The following GRID2 variants were observed in gnomAD, a reference collection of about 807,000 sequenced individuals.
GRID2 encodes the protein glutamate receptor ionotropic, delta-2.
GRID2 carries 33 observed loss-of-function variants against 114.8 expected under a neutral mutation model. That is an observed-to-expected ratio of 0.29 (90% CI 0.22 to 0.38). GRID2 has a LOEUF of 0.38. GRID2 is among the 10% of genes least tolerant of loss of function. The pLI, the probability that GRID2 is intolerant of heterozygous loss-of-function variation, is 1.00. For synonymous variants in GRID2, 505 were observed against 449.9 expected (o/e 1.12, Z -1.55); for missense variants, 1,184 against 1,257.7 (o/e 0.94, Z 0.89).
At chr4:92,947,932 A>G (rs1437640705) in intron 2 of GRID2, among the ~76,000 whole-genome samples, 1 of 151,876 alleles carries the variant, frequency 6.6e-6, no homozygotes, top group Non-Finnish European at 1.5e-5. Flanking sequence ...ACATTATACT[A>G]TCAGCATTTT....
intron 2 of GRID2, among the ~76,000 whole-genome samples, chr4:92,633,690 A>C (rs1395907455): frequency 1.3e-5 from 2 of 152,124 alleles, no homozygotes; most frequent in African/African-American, 4.8e-5. Context: ...CTTGTGTCTA[A>C]ATGTATTTAC....
chr4:92,781,618 G>T (rs570838355), intron 2 of GRID2, among the ~76,000 whole-genome samples: 5 of 152,058 alleles, frequency 3.3e-5, no homozygotes, highest in Admixed American at 3.3e-4. Flanking sequence ...ATTTTTTGCA[G>T]TATATAAGCT....
chr4:92,949,875 T>C (rs1751903164), intron 2 of GRID2, among the ~76,000 whole-genome samples: 1 of 152,038 alleles, frequency 6.6e-6, no homozygotes, highest in African/African-American at 2.4e-5. Context: ...CTTCAGGATC[T>C]AATGAGATCA....
chr4:92,527,417 G>C (rs1725097660), intron 1 of GRID2, among the ~76,000 whole-genome samples: 1 of 152,006 alleles, frequency 6.6e-6, no homozygotes, highest in South Asian at 2.1e-4. Context: ...TTTAATCTGT[G>C]TTATATATAT....
At chr4:93,222,864 A>AC (rs569362881) in intron 6 of GRID2, among the ~76,000 whole-genome samples, 244 of 152,204 alleles carry the variant, frequency 1.6e-3, no homozygotes, top group African/African-American at 5.2e-3. Context: ...ACACATGCAC[A>AC]CGTATGTTTA....
intron 13 of GRID2, among the ~76,000 whole-genome samples, chr4:93,573,461 G>A (rs1366742415): frequency 2.6e-5 from 4 of 152,038 alleles, no homozygotes; most frequent in Admixed American, 6.6e-5. Flanking sequence ...TCTTCATCAG[G>A]GTGCTTTCAA....
intron 2 of GRID2, among the ~76,000 whole-genome samples, chr4:93,081,117 C>G (rs148806079): frequency 1.3e-3 from 168 of 127,994 alleles, no homozygotes; most frequent in African/African-American, 4.5e-3. Context: ...CACATTCCAA[C>G]CACAGCAGTG....
intron 2 of GRID2, among the ~76,000 whole-genome samples, chr4:92,865,599 G>A (rs570983668): frequency 2.6e-5 from 4 of 152,122 alleles, no homozygotes; most frequent in Non-Finnish European, 4.4e-5. Context: ...GGCTAAAGTG[G>A]TGTGTAAAAT....
intron 2 of GRID2, among the ~76,000 whole-genome samples, chr4:92,950,560 A>T (rs1751954280): frequency 6.6e-6 from 1 of 152,100 alleles, no homozygotes; most frequent in Non-Finnish European, 1.5e-5. Context: ...GTACTTGGGG[A>T]ATCTCCTACT....
At chr4:93,371,911 C>T (rs1323873167) in intron 8 of GRID2, among the ~76,000 whole-genome samples, 1 of 151,750 alleles carries the variant, frequency 6.6e-6, no homozygotes, top group African/African-American at 2.4e-5. Context: ...CCACACCCGG[C>T]TAATTTTTGT....
intron 14 of GRID2, among the ~76,000 whole-genome samples, chr4:93,726,029 T>G (rs1729849717): frequency 1.3e-5 from 2 of 152,250 alleles, no homozygotes; most frequent in Admixed American, 1.3e-4. Flanking sequence ...TTGCCATTGC[T>G]TTTGGTGTTT....
chr4:93,031,714 C>A (rs1724456535), intron 2 of GRID2, among the ~76,000 whole-genome samples: 2 of 151,890 alleles, frequency 1.3e-5, no homozygotes, highest in Non-Finnish European at 2.9e-5. Flanking sequence ...GAGGCCTCCC[C>A]AGTCATGTGG....
At chr4:92,524,584 T>A (rs2149143168) in intron 1 of GRID2, among the ~76,000 whole-genome samples, 1 of 151,886 alleles carries the variant, frequency 6.6e-6, no homozygotes, top group South Asian at 2.1e-4. Flanking sequence ...GGTAATTACA[T>A]TGGACCTCCC....
chr4:93,322,760 T>C (rs1465456422), intron 8 of GRID2, among the ~76,000 whole-genome samples: 3 of 152,214 alleles, frequency 2.0e-5, no homozygotes, highest in Non-Finnish European at 4.4e-5. Context: ...AGATGGTATC[T>C]CATTGTGGTT....
intron 2 of GRID2, among the ~76,000 whole-genome samples, chr4:92,927,293 G>A (rs1749883813): frequency 6.6e-6 from 1 of 151,796 alleles, no homozygotes; most frequent in African/African-American, 2.4e-5. Flanking sequence ...CTGTGAATCT[G>A]ATGTTTTATC....
intron 7 of GRID2, among the ~76,000 whole-genome samples, chr4:93,231,225 C>A (rs536189204): frequency 5.3e-5 from 8 of 151,916 alleles, no homozygotes; most frequent in African/African-American, 1.4e-4. Context: ...AAATAGAAAT[C>A]ATTTTTCATT....
intron 8 of GRID2, among the ~76,000 whole-genome samples, chr4:93,248,521 C>T (rs185534922): frequency 6.6e-6 from 1 of 152,034 alleles, no homozygotes; most frequent in African/African-American, 2.4e-5. Context: ...TTCATTACAC[C>T]TCAAATTTTC....
In GRID2 at chr4:93,031,580, C is replaced by A. The variant is rs906943568; in HGVS notation, c.245-53415C>A. The stretch of plus-strand genomic sequence containing the variant: ...TGGGGTGGGTCTTTCTCTTCCTGTT[C>A]TTGTGGTAGTGAATAAATCTCATGA... On this transcript the variant is annotated intron_variant, in intron 2 of 15. Coordinates refer to ENST00000282020, the MANE Select transcript of GRID2 (RefSeq NM_001510.4). Among the ~76,000 whole-genome samples the A allele has an allele frequency of 4.0e-5, 6 of 151,864 alleles. No homozygotes were observed. In the South Asian group the frequency reaches 1.0e-3, roughly 26 times the overall value.
intron 2 of GRID2, among the ~76,000 whole-genome samples, chr4:92,674,144 T>C (rs1579815822): frequency 6.6e-6 from 1 of 152,268 alleles, no homozygotes; most frequent in Middle Eastern, 3.4e-3. Context: ...TGAATTGAGT[T>C]TCTTAGGCCT....
Sources: allele counts gnomAD v4.1 joint callset (sites outside exome capture counted in the v4.1 genomes callset), GRCh38; gene constraint gnomAD v4.1.1; transcripts MANE v1.5; gene names NCBI Gene and HGNC (gene_info 2026-07-23, HGNC 2026-07-21).